METTL21A: variants seen among roughly 807,000 people sequenced by gnomAD.
The protein encoded by METTL21A is methyltransferase 21A, HSPA lysine, also known as protein N-lysine methyltransferase METTL21A.
Under a neutral mutation model 20.9 loss-of-function variants are expected in METTL21A, and 22 were observed. The ratio of observed to expected loss-of-function variants is 1.05; its 90% confidence interval spans 0.75 to 1.50. The LOEUF is 1.50. METTL21A is among the 40% of genes most tolerant of loss of function. The pLI is 0.00. For synonymous variants in METTL21A, 93 were observed against 102.0 expected (o/e 0.91, Z 0.53); for missense variants, 271 against 266.8 (o/e 1.02, Z -0.11).
intron 3 of METTL21A, chr2:207,597,638 A>G (rs1487948060): frequency 4.8e-6 from 1 of 207,774 alleles, no homozygotes; most frequent in Non-Finnish European, 9.8e-6. Context: ...AGTGCTTTTT[A>G]TGTATGTTGT....
At chr2:207,586,760 T>G (rs1390339951) in intron 3 of METTL21A, among the ~76,000 whole-genome samples, 1 of 152,134 alleles carries the variant, frequency 6.6e-6, no homozygotes, top group Non-Finnish European at 1.5e-5. Context: ...TAGACATTTC[T>G]CAAAAGAAGA....
chr2:207,615,733 CAACTTT>C (rs1336883827), intron 3 of METTL21A: 1 of 149,088 alleles, frequency 6.7e-6, no homozygotes, highest in Non-Finnish European at 1.5e-5. Context: ...AAGAAAAGAA[CAACTTT>C]AACTTACCAC....
intron 3 of METTL21A, chr2:207,602,095 C>T (rs2087159927): frequency 4.9e-6 from 1 of 205,078 alleles, no homozygotes; most frequent in African/African-American, 2.3e-5. Context: ...ATGATAAGTT[C>T]TTATTGATTA....
At chr2:207,621,988 G>A in intron 2 of METTL21A, 71 bp from the exon 3 acceptor site, 1 of 1,306,346 alleles carries the variant, frequency 7.7e-7, no homozygotes, top group South Asian at 1.2e-5. Context: ...TTTCAGGTCA[G>A]CTACACCCAC....
intron 3 of METTL21A, among the ~76,000 whole-genome samples, chr2:207,582,640 C>G (rs1041547114): frequency 2.6e-5 from 4 of 152,062 alleles, no homozygotes; most frequent in Non-Finnish European, 5.9e-5. Context: ...TGTGTTTTCC[C>G]TTCCCTAGCC....
chr2:207,582,255 G>T, intron 3 of METTL21A: 1 of 679,310 alleles, frequency 1.5e-6, no homozygotes. Flanking sequence ...AGGCTATGCA[G>T]ATATATTCTT....
intron 3 of METTL21A, chr2:207,596,791 T>A: frequency 1.8e-6 from 2 of 1,129,628 alleles, no homozygotes. Flanking sequence ...TTTCCAATGC[T>A]TAATATATAC....
intron 3 of METTL21A, among the ~76,000 whole-genome samples, chr2:207,587,471 G>A (rs1042281077): frequency 2.0e-5 from 3 of 151,550 alleles, no homozygotes; most frequent in Non-Finnish European, 4.4e-5. Flanking sequence ...CCTACTACTG[G>A]GTATCTATTC....
chr2:207,586,864 T>C (rs1254325739), intron 3 of METTL21A, among the ~76,000 whole-genome samples: 2 of 152,234 alleles, frequency 1.3e-5, no homozygotes, highest in African/African-American at 2.4e-5. Context: ...GAATGGTTAT[T>C]ATCAAAAAGA....
intron 3 of METTL21A, among the ~76,000 whole-genome samples, chr2:207,591,348 GTCTT>G (rs1466549418): frequency 6.6e-6 from 1 of 152,112 alleles, no homozygotes; most frequent in Non-Finnish European, 1.5e-5. Context: ...ATTATATAAT[GTCTT>G]TCTTTATCCC....
At chr2:207,598,585 G>A (rs941349298) in intron 3 of METTL21A, 1 of 174,416 alleles carries the variant, frequency 5.7e-6, no homozygotes, top group East Asian at 1.0e-4. Flanking sequence ...AGTGGCTCAC[G>A]CCTGTAATCC....
chr2:207,593,429 T>C (rs2085464922), intron 3 of METTL21A, among the ~76,000 whole-genome samples: 1 of 151,954 alleles, frequency 6.6e-6, no homozygotes, highest in East Asian at 1.9e-4. Context: ...GCTGGGGAGG[T>C]TGAGGCAGGA....
At chr2:207,602,347 C>T (rs1035214491) in intron 3 of METTL21A, 4 of 200,810 alleles carry the variant, frequency 2.0e-5, no homozygotes, top group Non-Finnish European at 4.1e-5. Context: ...CATTCTGGTA[C>T]GGTGGGTGCA....
intron 3 of METTL21A, among the ~76,000 whole-genome samples, chr2:207,603,835 T>C (rs2087568516): frequency 6.6e-6 from 1 of 152,216 alleles, no homozygotes; most frequent in African/African-American, 2.4e-5. Context: ...GGTTAATCTT[T>C]GCTTAAGCTG....
intron 3 of METTL21A, among the ~76,000 whole-genome samples, chr2:207,592,675 C>T (rs1034660316): frequency 2.0e-5 from 3 of 151,960 alleles, no homozygotes; most frequent in Admixed American, 6.6e-5. Context: ...AATCCCAGCA[C>T]TTTGGGAGAC....
intron 3 of METTL21A, among the ~76,000 whole-genome samples, chr2:207,586,605 C>G (rs2083887042): frequency 1.3e-5 from 2 of 152,082 alleles, no homozygotes; most frequent in African/African-American, 2.4e-5. Flanking sequence ...GCAAAGGAAA[C>G]AGAGTGAAGA....
rs11326646 is a variant in METTL21A at position 207,622,161 on chromosome 2, A to ATTT, written c.148-247_148-245dup. ...GGTCCTGCTGGATCTGGAAAGCTTA[A>ATTT]TTTTTTTTTTTTTTTTTTTTTGAGA... On this transcript the variant is annotated intron_variant, in intron 2 of 3. Transcript: ENST00000406927. Among the ~76,000 whole-genome samples, 5 of 122,322 alleles carry ATTT rather than the reference A, an allele frequency of 4.1e-5. 1 individual carries two copies. Among genetic ancestry groups the ATTT allele is most frequent in the Non-Finnish European group, 6.8e-5 (4 of 58,850 alleles). 80.2% of individuals were successfully genotyped at this position (122,322 alleles called of 152,430 possible).
intron 3 of METTL21A, among the ~76,000 whole-genome samples, chr2:207,617,696 A>G (rs191102893): frequency 3.5e-4 from 54 of 152,380 alleles, no homozygotes; most frequent in Non-Finnish European, 6.3e-4. Flanking sequence ...TCTGACAGCT[A>G]TTGAGAAAAT....
downstream of METTL21A, among the ~76,000 whole-genome samples, chr2:207,605,802 T>C (rs1207109079): frequency 6.6e-6 from 1 of 152,258 alleles, no homozygotes; most frequent in Admixed American, 6.5e-5. Context: ...ACAAGTTGTA[T>C]CTCCAGGATA....
Sources: gnomAD v4.1 joint callset for allele counts (sites outside exome capture counted in the v4.1 genomes callset) on GRCh38, gnomAD v4.1.1 for gene constraint, MANE v1.5 for transcripts, NCBI Gene and HGNC (gene_info 2026-07-23, HGNC 2026-07-21) for gene names.